The following CNTNAP2 variants were observed in gnomAD, a reference collection of about 807,000 sequenced individuals.
CNTNAP2 encodes the protein contactin-associated protein-like 2.
A neutral mutation model predicts 155.2 loss-of-function variants in CNTNAP2; 98 were observed. That is an observed-to-expected ratio of 0.63 (90% CI 0.54 to 0.75). CNTNAP2 has a LOEUF of 0.75. Ranked by LOEUF, CNTNAP2 falls within the 30% of genes least tolerant of loss-of-function variation. The probability of loss-of-function intolerance (pLI) is 0.00; values close to 1 mark genes in which losing one functional copy is unlikely to be tolerated. For synonymous variants in CNTNAP2, 651 were observed against 631.2 expected, an observed-to-expected ratio of 1.03 and a Z score of -0.47; for missense variants, 1,727 against 1,688.1, an observed-to-expected ratio of 1.02 and a Z score of -0.40.
intron 2 of CNTNAP2, 140 bp downstream of exon 2, chr7:146,774,521 A>G (rs930669219): frequency 1.2e-5 from 8 of 660,668 alleles, no homozygotes; most frequent in African/African-American, 7.2e-5. Context: ...TAAAAGATCC[A>G]TAGATGCCAT....
chr7:147,903,669 A>C lies in CNTNAP2; in HGVS notation c.2203A>C (p.Asn735His). ...GAAATGTGCCTGCGGCATCGAACGC[A>C]ACTGCACAGATCCCAAGTACTACTG... ...IQKCACGIER[N>H]CTDPKYYCNC... The change falls in exon 14 of 24, where the codon AAC (asparagine) becomes CAC (histidine). Residue 735 changes from asparagine to histidine, a missense_variant. Transcript: ENST00000361727. 6.2e-7 allele frequency: 1 copy of C among 1,614,066 alleles called. No homozygotes were observed. The highest frequency in any genetic ancestry group is 1.3e-5 in the African/African-American group (1 of 75,052).
At chr7:147,262,510 C>T (rs1012805749) in intron 8 of CNTNAP2, among the ~76,000 whole-genome samples, 7 of 151,988 alleles carry the variant, frequency 4.6e-5, no homozygotes, top group African/African-American at 1.4e-4. Context: ...TATGAAAGGA[C>T]GCAGGGAGGC....
intron 2 of CNTNAP2, among the ~76,000 whole-genome samples, chr7:146,800,062 A>G (rs1036417959): frequency 1.3e-5 from 2 of 152,192 alleles, no homozygotes; most frequent in African/African-American, 4.8e-5. Context: ...TAGGGAATGC[A>G]TTTGGAATTA....
At chr7:147,103,448 T>G (rs987061925) in intron 4 of CNTNAP2, among the ~76,000 whole-genome samples, 2 of 152,144 alleles carry the variant, frequency 1.3e-5, no homozygotes, top group Admixed American at 6.5e-5. Flanking sequence ...CTAGTATTTT[T>G]AAACTTCAGT....
chr7:147,534,881 C>T (rs1799511862), intron 11 of CNTNAP2, among the ~76,000 whole-genome samples: 1 of 152,050 alleles, frequency 6.6e-6, no homozygotes, highest in Non-Finnish European at 1.5e-5. Flanking sequence ...GATATATACA[C>T]TATGGACAAG....
chr7:146,131,114 A>G (rs554546229), intron 1 of CNTNAP2, among the ~76,000 whole-genome samples: 1 of 152,328 alleles, frequency 6.6e-6, no homozygotes, highest in South Asian at 2.1e-4. Flanking sequence ...CATTTTTGAG[A>G]GTATAACTGT....
intron 2 of CNTNAP2, among the ~76,000 whole-genome samples, chr7:146,788,822 G>GT (rs935026273): frequency 8.0e-5 from 12 of 150,840 alleles, no homozygotes; most frequent in African/African-American, 3.0e-4. Context: ...ACATCCACGT[G>GT]TTTTTTTGTT....
At chr7:148,202,020 C>T (rs1051463148) in intron 18 of CNTNAP2, among the ~76,000 whole-genome samples, 5 of 151,938 alleles carry the variant, frequency 3.3e-5, no homozygotes, top group African/African-American at 1.2e-4. Context: ...AGCAGGGGCC[C>T]TTGAGAAGCC....
At chr7:147,943,353 C>G (rs932567080) in intron 14 of CNTNAP2, among the ~76,000 whole-genome samples, 5 of 152,194 alleles carry the variant, frequency 3.3e-5, no homozygotes, top group Non-Finnish European at 4.4e-5. Flanking sequence ...AATCTCTATT[C>G]TATACCTTGA....
chr7:146,174,887 T>C (rs1158603076), intron 1 of CNTNAP2, among the ~76,000 whole-genome samples: 5 of 152,104 alleles, frequency 3.3e-5, no homozygotes, highest in African/African-American at 9.6e-5. Context: ...GAGGAGGAAA[T>C]AATCAATAAA....
At position 148,412,291 on chromosome 7, in the gene CNTNAP2, C is replaced by T. The variant is rs556069917; in HGVS notation, c.3796+2820C>T. ...AATAAACAATGTAAGTTCTCTAATC[C>T]TGGCCAGGCGCGGTGGCGCACGCCT... On this transcript the variant is annotated intron_variant, in intron 23 of 23. Coordinates refer to ENST00000361727, the MANE Select transcript of CNTNAP2 (RefSeq NM_014141.6). Among the ~76,000 whole-genome samples the T allele has an allele frequency of 4.6e-5, 7 of 152,334 alleles. No homozygotes were observed. In the South Asian group the frequency reaches 1.0e-3, roughly 23 times the overall value.
intron 1 of CNTNAP2, among the ~76,000 whole-genome samples, chr7:146,497,723 AT>A (rs1356422922): frequency 1.3e-5 from 2 of 151,034 alleles, no homozygotes; most frequent in African/African-American, 4.9e-5. Flanking sequence ...TCCCTAAATG[AT>A]TTTTTTATTT....
chr7:147,102,480 A>C (rs1199407917), intron 4 of CNTNAP2, among the ~76,000 whole-genome samples: 3 of 152,172 alleles, frequency 2.0e-5, no homozygotes, highest in Non-Finnish European at 4.4e-5. Flanking sequence ...CAGAAATGAA[A>C]TCAGAGTCCT....
In CNTNAP2 at chr7:148,229,677, C is replaced by T; in HGVS notation, c.3279C>T (p.Gly1093=). 2.5e-6 allele frequency: 4 copies of T among 1,614,136 alleles called. No homozygotes were observed. The highest frequency in any genetic ancestry group is 3.4e-6 in the Non-Finnish European group (4 of 1,180,024). ...TACAGATTCGATACAACCTGGGTGG[C>T]ACCCGAGAGCCATACAATATTGACG... ...GSLQIRYNLG[G]TREPYNIDVD... Residue 1093 remains glycine (G), a synonymous_variant, in exon 20 of 24, where the codon GGC becomes GGT. Transcript: ENST00000361727.
chr7:147,972,511 G>A (rs1801351103), intron 14 of CNTNAP2, among the ~76,000 whole-genome samples: 1 of 152,088 alleles, frequency 6.6e-6, no homozygotes, highest in African/African-American at 2.4e-5. Context: ...AAAAGTCAAG[G>A]AAAGACAGCA....
intron 1 of CNTNAP2, among the ~76,000 whole-genome samples, chr7:146,565,667 A>G (rs1264249579): frequency 2.0e-5 from 3 of 152,244 alleles, no homozygotes; most frequent in Non-Finnish European, 1.5e-5. Context: ...GTTGCTACAA[A>G]AAACATCCCT....
intron 1 of CNTNAP2, among the ~76,000 whole-genome samples, chr7:146,637,809 G>C (rs1387124866): frequency 1.3e-5 from 2 of 152,042 alleles, no homozygotes; most frequent in Non-Finnish European, 1.5e-5. Context: ...AAAATACTAA[G>C]ATATGGGAAA....
intron 1 of CNTNAP2, among the ~76,000 whole-genome samples, chr7:146,482,373 G>A (rs73164043): frequency 0.058 from 8,669 of 149,068 alleles, 332 homozygotes; most frequent in Non-Finnish European, 0.088. Flanking sequence ...CATATAGAGG[G>A]ATATATATGT....
intron 23 of CNTNAP2, 93 bp downstream of exon 23, chr7:148,409,564 C>T (rs1017302192): frequency 9.4e-7 from 1 of 1,060,546 alleles, no homozygotes; most frequent in Non-Finnish European, 1.5e-6. Context: ...AAAAAGTTTT[C>T]TAGGTTTTTA....
Sources: allele counts gnomAD v4.1 joint callset (sites outside exome capture counted in the v4.1 genomes callset), GRCh38; gene constraint gnomAD v4.1.1; transcripts MANE v1.5; gene names NCBI Gene and HGNC (gene_info 2026-07-23, HGNC 2026-07-21).